Variants in FAM13A observed in about 807,000 individuals in gnomAD.
FAM13A encodes the protein protein FAM13A.
Under a neutral mutation model 129.6 loss-of-function variants are expected in FAM13A, and 76 were observed. The observed-to-expected ratio is 0.59, with a 90% CI of 0.49 to 0.71. FAM13A has a LOEUF of 0.71. Ranked by LOEUF, FAM13A falls within the 30% of genes least tolerant of loss-of-function variation. The pLI is 0.00. For synonymous variants in FAM13A, 443 were observed against 449.9 expected (o/e 0.98, Z 0.20); for missense variants, 1,108 against 1,249.3 (o/e 0.89, Z 1.70).
At chr4:88,908,103 C>T (rs1748453536) in intron 5 of FAM13A, among the ~76,000 whole-genome samples, 1 of 152,142 alleles carries the variant, frequency 6.6e-6, no homozygotes, top group Admixed American at 6.5e-5. Context: ...CTCACATAGC[C>T]CTTATGTAAG....
chr4:88,844,808 C>T (rs1248514932), intron 7 of FAM13A, among the ~76,000 whole-genome samples: 1 of 152,048 alleles, frequency 6.6e-6, no homozygotes, highest in Non-Finnish European at 1.5e-5. Context: ...GCTATGGGGC[C>T]AAATAAAGAC....
At chr4:88,927,866 T>C (rs1007427002) in intron 5 of FAM13A, among the ~76,000 whole-genome samples, 1 of 152,068 alleles carries the variant, frequency 6.6e-6, no homozygotes, top group Non-Finnish European at 1.5e-5. Flanking sequence ...TTTAGTTCTA[T>C]TCTGATCTTT....
intron 6 of FAM13A, among the ~76,000 whole-genome samples, chr4:88,897,226 C>T (rs1158690174): frequency 6.6e-6 from 1 of 152,174 alleles, no homozygotes; most frequent in African/African-American, 2.4e-5. Flanking sequence ...TTGATGTTCT[C>T]TTCTGTGTCA....
At chr4:88,742,009 G>C (rs1740370799) in intron 19 of FAM13A, among the ~76,000 whole-genome samples, 1 of 152,184 alleles carries the variant, frequency 6.6e-6, no homozygotes, top group Non-Finnish European at 1.5e-5. Flanking sequence ...TTGCAGATGA[G>C]ATTAAAGTGC....
At position 89,006,883 on chromosome 4, in the gene FAM13A, A is replaced by G. The variant is rs143128308; in HGVS notation, c.427+13577T>C. On this transcript the variant is annotated intron_variant, in intron 3 of 23. Transcript: ENST00000264344. ...TCCCTTCTGAAGTTAAGCCGCATCTATCCATAGTCTCAGACACTCAGTCGC... is the reference window on the plus strand; with the variant it reads ...TCCCTTCTGAAGTTAAGCCGCATCTGTCCATAGTCTCAGACACTCAGTCGC... Among the ~76,000 whole-genome samples, 734 of 152,290 alleles carry G rather than the reference A, an allele frequency of 4.8e-3. 8 individuals are homozygous for G. Among genetic ancestry groups the G allele is most frequent in the African/African-American group, 0.017 (704 of 41,560 alleles).
At chr4:89,006,327 T>C (rs1233813719) in intron 3 of FAM13A, among the ~76,000 whole-genome samples, 3 of 152,250 alleles carry the variant, frequency 2.0e-5, no homozygotes, top group Non-Finnish European at 4.4e-5. Flanking sequence ...CTAGCACTTA[T>C]TAAATATTTA....
chr4:88,793,354 C>T (rs186884728), intron 8 of FAM13A, among the ~76,000 whole-genome samples: 61 of 151,924 alleles, frequency 4.0e-4, no homozygotes, highest in Middle Eastern at 6.8e-3. Context: ...CAAAAGTAAA[C>T]GAATAAATCA....
intron 4 of FAM13A, among the ~76,000 whole-genome samples, chr4:88,987,964 G>A (rs1579641553): frequency 6.6e-6 from 1 of 151,416 alleles, no homozygotes; most frequent in South Asian, 2.1e-4. Context: ...AATCCACACT[G>A]CACAATATTC....
intron 14 of FAM13A, chr4:88,753,520 A>G (rs1743056702): frequency 1.0e-5 from 2 of 198,836 alleles, no homozygotes; most frequent in Non-Finnish European, 1.8e-5. Context: ...TTATTTTAAA[A>G]TGAGAAATGT....
chr4:89,012,935 T>C (rs768812545), intron 3 of FAM13A, among the ~76,000 whole-genome samples: 19 of 152,188 alleles, frequency 1.2e-4, no homozygotes, highest in Non-Finnish European at 2.6e-4. Context: ...TCTGTTATTA[T>C]GAGGATGGAT....
At chr4:88,748,246 T>C (rs1348196313) in intron 17 of FAM13A, among the ~76,000 whole-genome samples, 3 of 152,216 alleles carry the variant, frequency 2.0e-5, no homozygotes, top group African/African-American at 7.2e-5. Context: ...GTAGTATCAA[T>C]AACTTATTCT....
intron 1 of FAM13A, among the ~76,000 whole-genome samples, chr4:89,039,508 G>C (rs1437815078): frequency 2.0e-5 from 3 of 152,126 alleles, no homozygotes; most frequent in African/African-American, 7.2e-5. Context: ...AGAAGAAACT[G>C]GGAAGTAAGG....
chr4:89,023,075 T>C (rs574623235), intron 2 of FAM13A, among the ~76,000 whole-genome samples: 2 of 152,334 alleles, frequency 1.3e-5, no homozygotes, highest in East Asian at 3.9e-4. Flanking sequence ...ACTATTGTTT[T>C]AATCTATTAT....
At position 88,787,970 on chromosome 4, in the gene FAM13A, G is replaced by A. The variant is rs752501445; in HGVS notation, c.1092-38C>T. On this transcript the variant is annotated intron_variant, in intron 9 of 23. Transcript: ENST00000264344. ...AATGCAGAGTCATTCAAGCAGTCAAGTTCATCAGTGATCACCTTAAAAAAT... is the reference window on the plus strand; with the variant it reads ...AATGCAGAGTCATTCAAGCAGTCAAATTCATCAGTGATCACCTTAAAAAAT... 4 of 1,549,358 alleles carry A rather than the reference G, an allele frequency of 2.6e-6. No individual in the cohort carries two copies. The African/African-American group carries it at 4.1e-5, about 16-fold the overall frequency.
intron 5 of FAM13A, among the ~76,000 whole-genome samples, chr4:88,925,379 A>G (rs1751926019): frequency 6.6e-6 from 1 of 152,252 alleles, no homozygotes; most frequent in South Asian, 2.1e-4. Context: ...GCAGCCATAA[A>G]AAATGATGAG....
At chr4:88,759,646 A>G (rs928597702) in intron 13 of FAM13A, among the ~76,000 whole-genome samples, 1 of 152,106 alleles carries the variant, frequency 6.6e-6, no homozygotes, top group African/African-American at 2.4e-5. Flanking sequence ...CAAGTCAGTG[A>G]TGCATAATTC....
chr4:89,037,485 G>A (rs781274480), intron 1 of FAM13A, among the ~76,000 whole-genome samples: 6 of 152,124 alleles, frequency 3.9e-5, no homozygotes, highest in African/African-American at 1.4e-4. Context: ...ACAACAACTT[G>A]GTTTTGATTT....
At chr4:88,993,063 G>A (rs1200996790) in intron 3 of FAM13A, among the ~76,000 whole-genome samples, 1 of 152,206 alleles carries the variant, frequency 6.6e-6, no homozygotes, top group Non-Finnish European at 1.5e-5. Context: ...AGGCTTCAGA[G>A]CACAAGATCA....
At chr4:88,794,712 T>C (rs934016092) in intron 8 of FAM13A, among the ~76,000 whole-genome samples, 17 of 151,954 alleles carry the variant, frequency 1.1e-4, no homozygotes, top group African/African-American at 4.1e-4. Flanking sequence ...CTCTAGGATA[T>C]AATATTTAAA....
Sources: gnomAD v4.1 joint callset for allele counts (sites outside exome capture counted in the v4.1 genomes callset) on GRCh38, gnomAD v4.1.1 for gene constraint, MANE v1.5 for transcripts, NCBI Gene and HGNC (gene_info 2026-07-23, HGNC 2026-07-21) for gene names.